The following COL8A1 variants were observed in gnomAD, a reference collection of about 807,000 sequenced individuals.
COL8A1 encodes the protein collagen alpha-1(VIII) chain.
Under a neutral mutation model 42.7 loss-of-function variants are expected in COL8A1, and 21 were observed. That is an observed-to-expected ratio of 0.49 (90% CI 0.35 to 0.71). The LOEUF is 0.71. COL8A1 is among the 30% of genes least tolerant of loss of function. The pLI is 0.01. For missense variants in COL8A1, 788 were observed against 962.4 expected (o/e 0.82, Z 2.40); for synonymous variants, 367 against 369.1 (o/e 0.99, Z 0.06).
intron 2 of COL8A1, among the ~76,000 whole-genome samples, chr3:99,758,172 AGGCTAATC>A (rs1941296958): frequency 1.3e-5 from 2 of 152,200 alleles, no homozygotes; most frequent in South Asian, 4.1e-4. Context: ...AATTTCAGTT[AGGCTAATC>A]GGCTTACAAG....
At chr3:99,652,912 G>C (rs987882943) in intron 1 of COL8A1, among the ~76,000 whole-genome samples, 1 of 152,148 alleles carries the variant, frequency 6.6e-6, no homozygotes, top group Non-Finnish European at 1.5e-5. Flanking sequence ...TCTATGGGAA[G>C]CTACTACCAT....
chr3:99,697,090 C>T (rs975868977), intron 1 of COL8A1, among the ~76,000 whole-genome samples: 3 of 146,256 alleles, frequency 2.1e-5, no homozygotes, highest in South Asian at 2.2e-4. Context: ...GGGTTCACGC[C>T]ATTCTCCTGC....
At chr3:99,728,828 A>G (rs2107380732) in intron 1 of COL8A1, among the ~76,000 whole-genome samples, 1 of 152,150 alleles carries the variant, frequency 6.6e-6, no homozygotes, top group East Asian at 1.9e-4. Context: ...TTTTGGTTCA[A>G]TTTAAGATTT....
chr3:99,642,753 T>C (rs1458560370), intron 1 of COL8A1, among the ~76,000 whole-genome samples: 1 of 152,238 alleles, frequency 6.6e-6, no homozygotes, highest in Non-Finnish European at 1.5e-5. Flanking sequence ...GAACCACTCA[T>C]ACTTGTGGCT....
chr3:99,717,041 C>A (rs919084851), intron 1 of COL8A1, among the ~76,000 whole-genome samples: 1 of 151,944 alleles, frequency 6.6e-6, no homozygotes, highest in African/African-American at 2.4e-5. Flanking sequence ...AGCATGGAGA[C>A]AATGCTTCCT....
intron 1 of COL8A1, among the ~76,000 whole-genome samples, chr3:99,712,372 GGGGAAAACCGCTT>G (rs967702537): frequency 6.6e-6 from 1 of 152,082 alleles, no homozygotes; most frequent in African/African-American, 2.4e-5. Context: ...TTAAAATTGA[GGGGAAAACCGCTT>G]GGCAAGGCAT....
At chr3:99,652,325 A>G (rs1937872388) in intron 1 of COL8A1, among the ~76,000 whole-genome samples, 1 of 152,254 alleles carries the variant, frequency 6.6e-6, no homozygotes, top group Admixed American at 6.5e-5. Flanking sequence ...AATGATGATA[A>G]TAACCTTTGT....
intron 2 of COL8A1, among the ~76,000 whole-genome samples, chr3:99,778,105 T>C (rs1367716501): frequency 6.6e-6 from 1 of 152,142 alleles, no homozygotes; most frequent in Admixed American, 6.5e-5. Flanking sequence ...TTCACATGAA[T>C]ATGAAATAAT....
intron 2 of COL8A1, among the ~76,000 whole-genome samples, chr3:99,762,689 G>A (rs1480316433): frequency 6.6e-6 from 1 of 152,204 alleles, no homozygotes; most frequent in Non-Finnish European, 1.5e-5. Flanking sequence ...CAGTGATACA[G>A]TGTATGTCAA....
intron 1 of COL8A1, among the ~76,000 whole-genome samples, chr3:99,709,618 G>A (rs1939780093): frequency 6.6e-6 from 1 of 152,120 alleles, no homozygotes; most frequent in Non-Finnish European, 1.5e-5. Flanking sequence ...GCAATCAAAA[G>A]ATGTTTCTAT....
chr3:99,691,258 G>A (rs1939211150), intron 1 of COL8A1: 1 of 152,132 alleles, frequency 6.6e-6, no homozygotes, highest in African/African-American at 2.4e-5. Context: ...ATCCTCAAAT[G>A]GCTTTTAGCA....
intron 1 of COL8A1, among the ~76,000 whole-genome samples, chr3:99,643,750 T>C (rs566053826): frequency 6.6e-6 from 1 of 152,204 alleles, no homozygotes; most frequent in Non-Finnish European, 1.5e-5. Flanking sequence ...TTCTAGAAAC[T>C]GTATTATTTT....
chr3:99,739,489 G>A (rs939877276), intron 1 of COL8A1, among the ~76,000 whole-genome samples: 2 of 151,900 alleles, frequency 1.3e-5, no homozygotes, highest in Non-Finnish European at 2.9e-5. Flanking sequence ...CTTCTGCCTG[G>A]ATATCCAGGC....
At chr3:99,672,437 T>C (rs1938574446) in intron 1 of COL8A1, among the ~76,000 whole-genome samples, 1 of 151,954 alleles carries the variant, frequency 6.6e-6, no homozygotes, top group Non-Finnish European at 1.5e-5. Flanking sequence ...GTGCTTTCTT[T>C]ATGTAGTCAG....
chr3:99,701,389 C>T (rs751238760), intron 1 of COL8A1, among the ~76,000 whole-genome samples: 2 of 152,150 alleles, frequency 1.3e-5, no homozygotes, highest in Admixed American at 6.5e-5. Flanking sequence ...CCTTAGAAAG[C>T]TTTACCCCTA....
intron 2 of COL8A1, among the ~76,000 whole-genome samples, chr3:99,756,849 A>T (rs1340380503): frequency 6.6e-6 from 1 of 152,242 alleles, no homozygotes; most frequent in East Asian, 1.9e-4. Context: ...AAAACTATGT[A>T]AACAGTAGTG....
intron 2 of COL8A1, among the ~76,000 whole-genome samples, chr3:99,752,561 GT>G (rs1941173558): frequency 6.6e-6 from 1 of 151,968 alleles, no homozygotes; most frequent in Non-Finnish European, 1.5e-5. Flanking sequence ...CAGCTCCAAA[GT>G]TTTTTCCTCT....
At chr3:99,764,225 T>C (rs1426497111) in intron 2 of COL8A1, among the ~76,000 whole-genome samples, 2 of 152,202 alleles carry the variant, frequency 1.3e-5, no homozygotes, top group East Asian at 3.8e-4. Context: ...ACATTAGAGA[T>C]TGTGCCTTAT....
chr3:99,707,903 A>G (rs943782550), intron 1 of COL8A1, among the ~76,000 whole-genome samples: 2 of 150,884 alleles, frequency 1.3e-5, no homozygotes, highest in Non-Finnish European at 3.0e-5. Flanking sequence ...TAGTGTTTTT[A>G]TTATTATTAT....
Sources: gnomAD v4.1 joint callset for allele counts (sites outside exome capture counted in the v4.1 genomes callset) on GRCh38, gnomAD v4.1.1 for gene constraint, MANE v1.5 for transcripts, NCBI Gene and HGNC (gene_info 2026-07-23, HGNC 2026-07-21) for gene names.